Variants in CNTN4 observed in about 807,000 individuals in gnomAD.
The protein encoded by CNTN4 is contactin 4.
In CNTN4, 77 loss-of-function variants were observed where a neutral mutation model predicts 122.5. That is an observed-to-expected ratio of 0.63 (90% confidence interval 0.52 to 0.76). The LOEUF (loss-of-function observed/expected upper bound fraction) is 0.76. CNTN4 is among the 30% of genes least tolerant of loss of function. The pLI is 0.00. For missense variants in CNTN4, 1,256 were observed against 1,259.1 expected, an observed-to-expected ratio of 1.00 and a Z score of 0.04; for synonymous variants, 512 against 447.0, an observed-to-expected ratio of 1.15 and a Z score of -1.83.
intron 3 of CNTN4, among the ~76,000 whole-genome samples, chr3:2,539,310 T>A (rs1440376811): frequency 6.6e-6 from 1 of 152,088 alleles, no homozygotes; most frequent in Non-Finnish European, 1.5e-5. Flanking sequence ...TATTGTGTCC[T>A]TTATCAGGTG....
At chr3:2,676,266 G>A (rs141814685) in intron 4 of CNTN4, among the ~76,000 whole-genome samples, 1 of 151,820 alleles carries the variant, frequency 6.6e-6, no homozygotes, top group East Asian at 2.0e-4. Flanking sequence ...CTGTCACCCA[G>A]GTTAGAGTGC....
chr3:2,496,379 CTCTT>C lies in CNTN4; in HGVS notation c.-88-75033_-88-75030del, dbSNP rs1482354428. Among the ~76,000 whole-genome samples, 5 of 152,242 alleles carry C rather than the reference CTCTT, an allele frequency of 3.3e-5. No individual in the cohort carries two copies. The East Asian group carries it at 9.7e-4, about 29-fold the overall frequency. Reference sequence around the variant, plus strand: ...TTTAGGGAGCTTAAAAACAATGCCTCTCTTTCTCCACAAAGTTCAGAAGCAATGG... The same window carrying C: ...TTTAGGGAGCTTAAAAACAATGCCTCTCTCCACAAAGTTCAGAAGCAATGG... On this transcript the variant is annotated intron_variant, in intron 3 of 24. Transcript: ENST00000418658.
intron 4 of CNTN4, among the ~76,000 whole-genome samples, chr3:2,588,268 G>T (rs907906792): frequency 6.6e-6 from 1 of 152,096 alleles, no homozygotes; most frequent in Non-Finnish European, 1.5e-5. Flanking sequence ...AGACATGCTG[G>T]CACCAAGTGA....
At chr3:2,996,310 A>C (rs1346807912) in intron 14 of CNTN4, among the ~76,000 whole-genome samples, 1 of 152,202 alleles carries the variant, frequency 6.6e-6, no homozygotes, top group African/African-American at 2.4e-5. Context: ...AAATATTTCA[A>C]ATTAAAAAGA....
At chr3:2,455,867 G>A (rs1348647964) in intron 3 of CNTN4, among the ~76,000 whole-genome samples, 1 of 151,938 alleles carries the variant, frequency 6.6e-6, no homozygotes, top group Non-Finnish European at 1.5e-5. Context: ...ACTAAACCTG[G>A]ACACTAGATA....
chr3:2,595,191 T>C (rs1310898594), intron 4 of CNTN4, among the ~76,000 whole-genome samples: 1 of 152,208 alleles, frequency 6.6e-6, no homozygotes, highest in Non-Finnish European at 1.5e-5. Context: ...TATTACACAA[T>C]TGACTGAGTA....
chr3:2,548,322 T>C (rs1483577383), intron 3 of CNTN4, among the ~76,000 whole-genome samples: 2 of 152,184 alleles, frequency 1.3e-5, no homozygotes, highest in Non-Finnish European at 2.9e-5. Flanking sequence ...TACATTTAAG[T>C]CTTTAATTTA....
intron 2 of CNTN4, among the ~76,000 whole-genome samples, chr3:2,294,021 T>C (rs1047558888): frequency 1.3e-5 from 2 of 152,178 alleles, no homozygotes; most frequent in African/African-American, 4.8e-5. Flanking sequence ...TTGCTTCAGT[T>C]AGTGGAAGCA....
chr3:2,106,558 G>A (rs1050619744), intron 2 of CNTN4, among the ~76,000 whole-genome samples: 6 of 152,350 alleles, frequency 3.9e-5, no homozygotes, highest in African/African-American at 1.4e-4. Context: ...TTTAGCTACA[G>A]CTGGAGTGGC....
At chr3:2,638,874 C>T (rs552961806) in intron 4 of CNTN4, among the ~76,000 whole-genome samples, 2 of 152,260 alleles carry the variant, frequency 1.3e-5, no homozygotes, top group East Asian at 1.9e-4. Context: ...GTGGCTTTAC[C>T]TTTAACATAT....
intron 3 of CNTN4, among the ~76,000 whole-genome samples, chr3:2,498,861 C>T (rs944729276): frequency 6.6e-5 from 10 of 150,668 alleles, no homozygotes; most frequent in Admixed American, 5.3e-4. Context: ...GTGATCTCGG[C>T]TCACTGCAAC....
chr3:2,360,385 A>G (rs540971377), intron 3 of CNTN4, among the ~76,000 whole-genome samples: 2 of 152,174 alleles, frequency 1.3e-5, no homozygotes, highest in South Asian at 2.1e-4. Context: ...AAACAATTCT[A>G]TTTCATCTTT....
intron 3 of CNTN4, among the ~76,000 whole-genome samples, chr3:2,453,703 G>T (rs2048908041): frequency 6.6e-6 from 1 of 152,230 alleles, no homozygotes; most frequent in South Asian, 2.1e-4. Context: ...TAGCACATTT[G>T]ATTAGGAACT....
chr3:2,613,521 A>C (rs17017302), intron 4 of CNTN4, among the ~76,000 whole-genome samples: 34,653 of 151,988 alleles, frequency 0.23, 4,484 homozygotes, highest in African/African-American at 0.34. Context: ...GTAAAGCACT[A>C]TTTGTATTTC....
chr3:2,654,302 C>G (rs1279730069), intron 4 of CNTN4, among the ~76,000 whole-genome samples: 1 of 152,178 alleles, frequency 6.6e-6, no homozygotes, highest in Non-Finnish European at 1.5e-5. Flanking sequence ...AAGAAAATCC[C>G]CTCAAAATTA....
chr3:2,466,288 C>T (rs982616190), intron 3 of CNTN4, among the ~76,000 whole-genome samples: 2 of 152,142 alleles, frequency 1.3e-5, no homozygotes, highest in African/African-American at 2.4e-5. Context: ...ATATCCTGCA[C>T]GTTCTCAGCC....
At chr3:2,832,479 G>A (rs1446580022) in intron 7 of CNTN4, among the ~76,000 whole-genome samples, 2 of 152,294 alleles carry the variant, frequency 1.3e-5, no homozygotes, top group East Asian at 1.9e-4. Flanking sequence ...AGGACATCAT[G>A]TGGATTGGGG....
chr3:2,184,609 A>C (rs1272569080), intron 2 of CNTN4, among the ~76,000 whole-genome samples: 6 of 152,106 alleles, frequency 3.9e-5, no homozygotes, highest in Admixed American at 3.9e-4. Context: ...CAGGTGAAAC[A>C]ATATTATGAG....
At chr3:2,833,970 T>C (rs1265824684) in intron 7 of CNTN4, among the ~76,000 whole-genome samples, 1 of 151,848 alleles carries the variant, frequency 6.6e-6, no homozygotes, top group Non-Finnish European at 1.5e-5. Context: ...TGAAACCCCG[T>C]CTTACTAAAA....
Sources: allele counts gnomAD v4.1 joint callset (sites outside exome capture counted in the v4.1 genomes callset), GRCh38; gene constraint gnomAD v4.1.1; transcripts MANE v1.5; gene names NCBI Gene and HGNC (gene_info 2026-07-23, HGNC 2026-07-21).